SMIM13: variants seen among roughly 807,000 people sequenced by gnomAD.
SMIM13 encodes the protein UPF0766 protein C6orf228.
SMIM13 carries 3 observed loss-of-function variants against 5.9 expected under a neutral mutation model. That is an observed-to-expected ratio of 0.51 (90% CI 0.23 to 1.31). The LOEUF is 1.31. Ranked by LOEUF, SMIM13 falls within the 40% of genes most tolerant of loss-of-function variation. The probability of loss-of-function intolerance (pLI) is 0.18; values close to 1 mark genes in which losing one functional copy is unlikely to be tolerated. For missense variants in SMIM13, 85 were observed against 109.9 expected (o/e 0.77, Z 1.01); for synonymous variants, 55 against 46.0 (o/e 1.19, Z -0.79).
chr6:11,114,827 TGACCTCAA>T (rs1758216669), intron 1 of SMIM13, among the ~76,000 whole-genome samples: 1 of 152,070 alleles, frequency 6.6e-6, no homozygotes, highest in African/African-American at 2.4e-5. Context: ...CTCGAACTCT[TGACCTCAA>T]GTGATCCACC....
At chr6:11,133,061 C>T (rs923215172) in intron 1 of SMIM13, among the ~76,000 whole-genome samples, 2 of 152,172 alleles carry the variant, frequency 1.3e-5, no homozygotes, top group African/African-American at 4.8e-5. Context: ...GATACCTTCT[C>T]ATTCATTCCT....
At position 11,105,431 on chromosome 6, in the gene SMIM13, G is replaced by C; in HGVS notation, c.76+11042G>C. 9 of 715,494 alleles carry C rather than the reference G, an allele frequency of 1.3e-5. No individual in the cohort carries two copies. The East Asian group carries it at 2.4e-4, about 19-fold the overall frequency. The allele number at this position is 715,494 out of a possible 1,614,324, so 44.3% of individuals were successfully genotyped here. On this transcript the variant is annotated intron_variant, in intron 1 of 1. Coordinates refer to ENST00000416247, the MANE Select transcript of SMIM13 (RefSeq NM_001135575.2). The stretch of plus-strand genomic sequence containing the variant: ...TTGCCAGTAAAATTTCTAGTATTGG[G>C]ATCACCTTACTTTGAGGTGAAAGGA...
intron 1 of SMIM13, among the ~76,000 whole-genome samples, chr6:11,096,696 TTTTTTCTTTTTTC>T (rs1757928165): frequency 1.1e-5 from 1 of 94,434 alleles, no homozygotes; most frequent in South Asian, 3.4e-4. Flanking sequence ...TTTTGCTTTT[TTTTTTCTTTTTTC>T]TTTTTTTGAG....
At chr6:11,119,433 T>G (rs1462041195) in intron 1 of SMIM13, among the ~76,000 whole-genome samples, 1 of 152,032 alleles carries the variant, frequency 6.6e-6, no homozygotes, top group African/African-American at 2.4e-5. Context: ...GACAGGCGAA[T>G]CACGAGGTCA....
chr6:11,106,060 C>T (rs1485160057), intron 1 of SMIM13, among the ~76,000 whole-genome samples: 1 of 152,170 alleles, frequency 6.6e-6, no homozygotes, highest in Non-Finnish European at 1.5e-5. Flanking sequence ...AGATTACAGT[C>T]TCCTGGCAGA....
chr6:11,116,972 A>G (rs1278026318), intron 1 of SMIM13, among the ~76,000 whole-genome samples: 1 of 134,362 alleles, frequency 7.4e-6, no homozygotes, highest in African/African-American at 2.8e-5. Flanking sequence ...ACATTTAATG[A>G]TAATTGTTTC....
chr6:11,094,528 A>G, intron 1 of SMIM13, 139 bp downstream of exon 1: 1 of 687,722 alleles, frequency 1.5e-6, no homozygotes, highest in Non-Finnish European at 2.3e-6. Context: ...GTTGTCCCTT[A>G]GCCTCTAGGG....
chr6:11,122,996 C>T (rs1358998053), intron 1 of SMIM13, among the ~76,000 whole-genome samples: 2 of 152,084 alleles, frequency 1.3e-5, no homozygotes, highest in African/African-American at 4.8e-5. Flanking sequence ...ATCACTTGAA[C>T]CAGGAGTTTG....
chr6:11,118,494 A>C (rs1463481702), intron 1 of SMIM13, among the ~76,000 whole-genome samples: 4 of 152,246 alleles, frequency 2.6e-5, no homozygotes, highest in Non-Finnish European at 5.9e-5. Context: ...ACTTTAAGGC[A>C]TAGTGAACAC....
chr6:11,105,236 C>T (rs1165733725), intron 1 of SMIM13: 8 of 1,614,086 alleles, frequency 5.0e-6, no homozygotes, highest in Non-Finnish European at 6.8e-6. Context: ...GAGCTTTTTC[C>T]AATAACGGGA....
At chr6:11,115,453 T>G (rs1226820393) in intron 1 of SMIM13, among the ~76,000 whole-genome samples, 1 of 152,188 alleles carries the variant, frequency 6.6e-6, no homozygotes, top group Non-Finnish European at 1.5e-5. Flanking sequence ...CACCTCTTCA[T>G]GCCAGTTGAA....
At chr6:11,113,204 A>C (rs1283652873) in intron 1 of SMIM13, among the ~76,000 whole-genome samples, 1 of 152,204 alleles carries the variant, frequency 6.6e-6, no homozygotes, top group African/African-American at 2.4e-5. Context: ...TCTCTTGAGT[A>C]ACTTCATTTC....
At chr6:11,110,404 A>G (rs1324568924) in intron 1 of SMIM13, among the ~76,000 whole-genome samples, 1 of 152,218 alleles carries the variant, frequency 6.6e-6, no homozygotes, top group Non-Finnish European at 1.5e-5. Context: ...TGTTCAGAGC[A>G]TTCTAGCAAC....
At chr6:11,105,480 T>C (rs1758072028) in intron 1 of SMIM13, 2 of 599,364 alleles carry the variant, frequency 3.3e-6, no homozygotes, top group Non-Finnish European at 6.0e-6. Flanking sequence ...TTACTTATCT[T>C]TTTGTTTAAA....
intron 1 of SMIM13, among the ~76,000 whole-genome samples, chr6:11,110,484 C>A (rs1758150840): frequency 1.3e-5 from 2 of 152,094 alleles, no homozygotes; most frequent in South Asian, 4.1e-4. Flanking sequence ...TGTTTTTCTG[C>A]CAATTGCTGC....
At chr6:11,119,686 A>G (rs971816785) in intron 1 of SMIM13, among the ~76,000 whole-genome samples, 5 of 152,096 alleles carry the variant, frequency 3.3e-5, no homozygotes, top group African/African-American at 9.7e-5. Flanking sequence ...CTCATCATCT[A>G]TAATAACGAT....
chr6:11,109,562 G>A (rs1758139224), intron 1 of SMIM13, among the ~76,000 whole-genome samples: 1 of 152,176 alleles, frequency 6.6e-6, no homozygotes, highest in Admixed American at 6.5e-5. Context: ...CCCAACAAAG[G>A]TCAGGGTTGT....
chr6:11,093,930 C>A lies in SMIM13; in HGVS notation c.-384C>A, dbSNP rs1413170364. On this transcript the variant is annotated 5_prime_UTR_variant, in exon 1 of 2. Transcript: ENST00000416247. ...GACAGCGACGAGGGCCTTGTGGCCG[C>A]CGTGTGTACCCGTGCTTACCCTCTG... is the stretch of plus-strand genomic sequence containing the variant. 2 of 152,270 alleles carry A rather than the reference C, an allele frequency of 1.3e-5. No individual in the cohort carries two copies. The highest frequency in any genetic ancestry group is 2.4e-5 in the African/African-American group (1 of 41,466). The allele number at this position is 152,270 out of a possible 1,614,324, so 9.4% of individuals were successfully genotyped here. A position where few individuals can be genotyped will look rare whatever the true frequency, so the allele number is the denominator to read the frequency against.
chr6:11,120,923 G>T (rs1375357452), intron 1 of SMIM13, among the ~76,000 whole-genome samples: 2 of 152,198 alleles, frequency 1.3e-5, no homozygotes, highest in South Asian at 2.1e-4. Flanking sequence ...TTTGTGGTGT[G>T]TTGATAGTGA....
Sources: gnomAD v4.1 joint callset for allele counts (sites outside exome capture counted in the v4.1 genomes callset) on GRCh38, gnomAD v4.1.1 for gene constraint, MANE v1.5 for transcripts, NCBI Gene and HGNC (gene_info 2026-07-23, HGNC 2026-07-21) for gene names.